GRIA4: variants seen among roughly 807,000 people sequenced by gnomAD.
The protein encoded by GRIA4 is glutamate receptor 4.
Under a neutral mutation model 104.0 loss-of-function variants are expected in GRIA4, and 34 were observed. The observed-to-expected ratio is 0.33, with a 90% CI of 0.25 to 0.44. The LOEUF is 0.44. Among genes scored for constraint, GRIA4 ranks in the 20% least tolerant of loss-of-function variants. GRIA4 has a pLI of 1.00. For synonymous variants in GRIA4, 386 were observed against 381.9 expected, an observed-to-expected ratio of 1.01 and a Z score of -0.13; for missense variants, 750 against 1,096.5, an observed-to-expected ratio of 0.68 and a Z score of 4.46.
chr11:105,891,449 C>T (rs139368365), intron 6 of GRIA4, among the ~76,000 whole-genome samples: 1 of 152,276 alleles, frequency 6.6e-6, no homozygotes, highest in East Asian at 1.9e-4. Context: ...CACTCTTGAA[C>T]TTAATGCACA....
At chr11:105,688,152 A>T in intron 3 of GRIA4, among the ~76,000 whole-genome samples, 1 of 70,722 alleles carries the variant, frequency 1.4e-5, no homozygotes, top group East Asian at 3.2e-4. Flanking sequence ...ATCTATATCT[A>T]TATCTCTATC....
intron 3 of GRIA4, among the ~76,000 whole-genome samples, chr11:105,702,691 T>A (rs959069942): frequency 2.1e-3 from 36 of 17,124 alleles, no homozygotes; most frequent in African/African-American, 5.8e-3. Flanking sequence ...ATTATTTTCC[T>A]TTCTTTTTTT....
intron 4 of GRIA4, among the ~76,000 whole-genome samples, chr11:105,819,561 T>C (rs1194873479): frequency 6.6e-6 from 1 of 152,146 alleles, no homozygotes; most frequent in African/African-American, 2.4e-5. Context: ...TTATATTTCA[T>C]ATCCATAGTT....
At chr11:105,615,223 G>T (rs1309000954) in intron 3 of GRIA4, among the ~76,000 whole-genome samples, 1 of 151,814 alleles carries the variant, frequency 6.6e-6, no homozygotes, top group Non-Finnish European at 1.5e-5. Context: ...GTTATCTAGG[G>T]TACAGCTTAT....
intron 11 of GRIA4, among the ~76,000 whole-genome samples, chr11:105,923,903 C>T (rs1160065951): frequency 6.6e-6 from 1 of 151,990 alleles, no homozygotes; most frequent in African/African-American, 2.4e-5. Flanking sequence ...TTACTCATAG[C>T]TGGAAAGGAA....
At chr11:105,826,241 T>C (rs751222540) in intron 4 of GRIA4, among the ~76,000 whole-genome samples, 4 of 152,020 alleles carry the variant, frequency 2.6e-5, no homozygotes, top group Non-Finnish European at 4.4e-5. Context: ...TTCTATGCCA[T>C]GAAAACAAGG....
intron 5 of GRIA4, among the ~76,000 whole-genome samples, chr11:105,883,812 G>A (rs994226438): frequency 2.6e-5 from 4 of 152,086 alleles, no homozygotes; most frequent in Non-Finnish European, 4.4e-5. Context: ...TGGCTGGGTC[G>A]AATGGTATTT....
chr11:105,938,867 T>C (rs996986072), intron 14 of GRIA4, among the ~76,000 whole-genome samples: 2 of 152,154 alleles, frequency 1.3e-5, no homozygotes, highest in African/African-American at 2.4e-5. Flanking sequence ...GGAAAAATAA[T>C]TGCACAATAG....
In GRIA4 at chr11:105,923,891, GT is replaced by G. The variant is rs1224240144; in HGVS notation, c.1477-505del. Among the ~76,000 whole-genome samples the G allele has an allele frequency of 3.9e-5, 6 of 152,210 alleles. No homozygotes were observed. In the East Asian group the frequency reaches 1.2e-3, roughly 29 times the overall value. ...CATACAAGCACAGGCTTTATGATCT[GT>G]TTACTCATAGCTGGAAAGGAATAAA... On this transcript the variant is annotated intron_variant, in intron 11 of 16. Coordinates refer to ENST00000282499, the MANE Select transcript of GRIA4 (RefSeq NM_000829.4).
At chr11:105,963,520 T>C (rs1042104814) in intron 14 of GRIA4, among the ~76,000 whole-genome samples, 1 of 152,072 alleles carries the variant, frequency 6.6e-6, no homozygotes, top group East Asian at 1.9e-4. Context: ...AAAGGTAAAT[T>C]TCATATATGA....
At chr11:105,934,234 TG>T (rs1947965176) in intron 14 of GRIA4, among the ~76,000 whole-genome samples, 1 of 152,112 alleles carries the variant, frequency 6.6e-6, no homozygotes, top group Non-Finnish European at 1.5e-5. Flanking sequence ...GCCTAAGGCA[TG>T]GGTAGCATAT....
At chr11:105,965,866 T>G (rs1858336497) in intron 14 of GRIA4, 2 of 986,952 alleles carry the variant, frequency 2.0e-6, no homozygotes, top group Admixed American at 2.0e-5. Context: ...GGGAGAAGCT[T>G]ATAAAGAGCT....
intron 3 of GRIA4, among the ~76,000 whole-genome samples, chr11:105,627,912 A>G (rs1950928876): frequency 6.6e-6 from 1 of 152,222 alleles, no homozygotes; most frequent in Non-Finnish European, 1.5e-5. Flanking sequence ...GTTATTCTTG[A>G]TAGAGGTTAA....
At chr11:105,748,527 C>G (rs1429189827) in intron 3 of GRIA4, among the ~76,000 whole-genome samples, 1 of 152,092 alleles carries the variant, frequency 6.6e-6, no homozygotes, top group East Asian at 1.9e-4. Context: ...GGATTACGGG[C>G]ATGTGCCAGC....
Position 105,969,527 on chromosome 11 carries a change from T to C in GRIA4, c.2295-2387T>C, listed in dbSNP as rs147838241. On this transcript the variant is annotated intron_variant, in intron 14 of 16. Transcript: ENST00000282499. ...AAAAGAAGGCCATAGGAGAAAAGAC[T>C]GCTTTAAGAGGGGAGAGAGAAGCCT... is the stretch of plus-strand genomic sequence containing the variant. 2.0e-4 allele frequency among the ~76,000 whole-genome samples: 31 copies of C among 152,264 alleles called. 1 individual carries two copies. In the East Asian group the frequency reaches 6.0e-3, roughly 29 times the overall value.
intron 5 of GRIA4, among the ~76,000 whole-genome samples, chr11:105,873,408 A>G (rs1945689099): frequency 6.6e-6 from 1 of 152,082 alleles, no homozygotes; most frequent in South Asian, 2.1e-4. Flanking sequence ...TTTACAGTAG[A>G]ATGATTTATA....
chr11:105,763,301 G>A lies in GRIA4; in HGVS notation c.487+10081G>A, dbSNP rs1940757997. ...CTGGTTTGATTAAAACCTTTGGCAC[G>A]TGGGATGGTATGGACGTGGAAGTTG... On this transcript the variant is annotated intron_variant, in intron 4 of 16. Transcript: ENST00000282499. Among the ~76,000 whole-genome samples, 3 of 152,122 alleles carry A rather than the reference G, an allele frequency of 2.0e-5. No individual in the cohort carries two copies. In the South Asian group the frequency reaches 6.2e-4, roughly 32 times the overall value.
intron 10 of GRIA4, among the ~76,000 whole-genome samples, chr11:105,911,205 C>T (rs1308304784): frequency 6.6e-6 from 1 of 151,918 alleles, no homozygotes; most frequent in South Asian, 2.1e-4. Context: ...AAGAAGAATA[C>T]GATTGCTTCA....
chr11:105,794,539 C>G (rs1254843193), intron 4 of GRIA4, among the ~76,000 whole-genome samples: 1 of 131,218 alleles, frequency 7.6e-6, no homozygotes. Flanking sequence ...ACATATCTGT[C>G]TCTCTGAGAT....
Sources: allele counts gnomAD v4.1 joint callset (sites outside exome capture counted in the v4.1 genomes callset), GRCh38; gene constraint gnomAD v4.1.1; transcripts MANE v1.5; gene names NCBI Gene and HGNC (gene_info 2026-07-23, HGNC 2026-07-21).